Variants in STT3B observed in about 807,000 individuals in gnomAD.
STT3B encodes dolichyl-diphosphooligosaccharide--protein glycosyltransferase subunit STT3B.
In STT3B, 29 loss-of-function variants were observed where a neutral mutation model predicts 96.8. The observed-to-expected ratio is 0.30, with a 90% CI of 0.22 to 0.41. STT3B has a LOEUF of 0.41. Ranked by LOEUF, STT3B falls within the 10% of genes least tolerant of loss-of-function variation. The probability of loss-of-function intolerance (pLI) is 1.00; values close to 1 mark genes in which losing one functional copy is unlikely to be tolerated. For synonymous variants in STT3B, 367 were observed against 360.0 expected (o/e 1.02, Z -0.22); for missense variants, 640 against 1,022.3 (o/e 0.63, Z 5.10).
chr3:31,539,123 G>C (rs1697169427), intron 1 of STT3B, among the ~76,000 whole-genome samples: 1 of 152,036 alleles, frequency 6.6e-6, no homozygotes, highest in Admixed American at 6.5e-5. Context: ...CATAGTTTCA[G>C]ATGAAAAACA....
intron 3 of STT3B, among the ~76,000 whole-genome samples, chr3:31,595,940 A>C (rs1698782792): frequency 6.6e-6 from 1 of 152,156 alleles, no homozygotes; most frequent in Non-Finnish European, 1.5e-5. Flanking sequence ...AGGCTCTATA[A>C]GGACCTTTTG....
intron 3 of STT3B, among the ~76,000 whole-genome samples, chr3:31,584,589 A>G (rs1209638101): frequency 5.9e-5 from 9 of 152,162 alleles, no homozygotes; most frequent in Admixed American, 5.2e-4. Flanking sequence ...AGAAGAAATT[A>G]TAGATATCAT....
rs555260194 is a variant in STT3B, at chr3:31,596,802, A to T, written c.716A>T (p.Lys239Ile). The T allele has an allele frequency of 1.9e-5, 31 of 1,610,034 alleles. No individual in the cohort carries two copies. The South Asian group carries it at 3.3e-4, about 17-fold the overall frequency. Residue 239 changes from lysine (K) to isoleucine (I), a missense_variant, in exon 4 of 16, where the codon AAA becomes ATA. This residue lies in a region of STT3B where 267 missense variants were observed against 388.3 expected (regional missense o/e 0.69). Transcript: ENST00000295770. ...TCAGTTGCTTTTGTTTTTTAGGTAA[A>T]ATCTGTAAAAACTGGGTCAGTTTTT... ...ALQFTYYLWV[K>I]SVKTGSVFWT...
In STT3B at chr3:31,615,236, G is replaced by A. The variant is rs1699281307; in HGVS notation, c.976+33G>A. ...AAATATATATTTTCCTTCTTCTAAA[G>A]AATATGTGGACGTGTGATTGGCAGT... On this transcript the variant is annotated intron_variant, in intron 6 of 15. Coordinates refer to ENST00000295770, the MANE Select transcript of STT3B (RefSeq NM_178862.3). The A allele has an allele frequency of 7.4e-6, 11 of 1,493,534 alleles. No individual in the cohort carries two copies. In the East Asian group the frequency reaches 2.5e-4, roughly 34 times the overall value. The allele number at this position is 1,493,534 out of a possible 1,614,324, so 92.5% of individuals were successfully genotyped here.
At chr3:31,627,444 G>A (rs1358975992) in intron 13 of STT3B, among the ~76,000 whole-genome samples, 2 of 152,132 alleles carry the variant, frequency 1.3e-5, no homozygotes, top group African/African-American at 4.8e-5. Flanking sequence ...AAAAAGGTTG[G>A]GAACCACTGC....
At chr3:31,582,001 C>G (rs959313498) in intron 3 of STT3B, among the ~76,000 whole-genome samples, 1 of 152,152 alleles carries the variant, frequency 6.6e-6, no homozygotes, top group East Asian at 1.9e-4. Flanking sequence ...ATAATACTCT[C>G]TTAAAATTCT....
chr3:31,628,012 A>T (rs1453894985), intron 13 of STT3B, among the ~76,000 whole-genome samples: 3 of 31,186 alleles, frequency 9.6e-5, no homozygotes, highest in African/African-American at 1.5e-4. Context: ...TACCCCCCCT[A>T]AAAAAAAAAA....
At chr3:31,595,675 A>G (rs1698774120) in intron 3 of STT3B, among the ~76,000 whole-genome samples, 1 of 152,172 alleles carries the variant, frequency 6.6e-6, no homozygotes, top group Non-Finnish European at 1.5e-5. Flanking sequence ...TCTATGAAAT[A>G]TGGTATATTG....
chr3:31,592,277 G>A (rs1431583936), intron 3 of STT3B, among the ~76,000 whole-genome samples: 1 of 152,128 alleles, frequency 6.6e-6, no homozygotes, highest in Non-Finnish European at 1.5e-5. Flanking sequence ...CCATGTTGTA[G>A]CATGTCAGGA....
chr3:31,600,262 T>C (rs1698900621), intron 4 of STT3B, 98 bp from the exon 5 acceptor site: 2 of 481,960 alleles, frequency 4.1e-6, no homozygotes, highest in Non-Finnish European at 7.1e-6. Flanking sequence ...TGCTAAAATC[T>C]TAATGTTTAT....
intron 5 of STT3B, among the ~76,000 whole-genome samples, chr3:31,603,636 A>C (rs910205189): frequency 6.6e-6 from 1 of 152,108 alleles, no homozygotes; most frequent in African/African-American, 2.4e-5. Context: ...TAAGCTTTCT[A>C]ATTTGATTAA....
At chr3:31,607,747 T>TA (rs1559384295) in intron 5 of STT3B, among the ~76,000 whole-genome samples, 1 of 67,414 alleles carries the variant, frequency 1.5e-5, no homozygotes, top group African/African-American at 5.3e-5. Context: ...TTGTTGTTTT[T>TA]GGGGGGTTGT....
intron 1 of STT3B, among the ~76,000 whole-genome samples, chr3:31,540,729 T>A (rs897585450): frequency 1.3e-5 from 2 of 152,210 alleles, no homozygotes; most frequent in Non-Finnish European, 2.9e-5. Flanking sequence ...TAAAATTTTA[T>A]GTTGTTGCCC....
intron 3 of STT3B, among the ~76,000 whole-genome samples, chr3:31,594,353 C>T (rs1698737455): frequency 6.6e-6 from 1 of 152,052 alleles, no homozygotes; most frequent in Admixed American, 6.6e-5. Flanking sequence ...CCAGCTTATG[C>T]CCCCAGACAC....
chr3:31,561,763 A>AT (rs1347300692), intron 1 of STT3B, among the ~76,000 whole-genome samples: 1 of 151,882 alleles, frequency 6.6e-6, no homozygotes, highest in East Asian at 1.9e-4. Context: ...GTGTAATGGC[A>AT]TTTTTTGACA....
intron 1 of STT3B, among the ~76,000 whole-genome samples, chr3:31,551,532 T>C (rs1345284671): frequency 6.6e-6 from 1 of 152,162 alleles, no homozygotes; most frequent in Non-Finnish European, 1.5e-5. Context: ...CCTGATTCTT[T>C]TATGCTTACG....
intron 5 of STT3B, among the ~76,000 whole-genome samples, chr3:31,603,766 C>A (rs1050499292): frequency 6.7e-6 from 1 of 150,066 alleles, no homozygotes; most frequent in African/African-American, 2.5e-5. Flanking sequence ...CTTAAATGAC[C>A]AATAGGGGAA....
Position 31,627,901 on chromosome 3 carries a change from ACT to A in STT3B, c.2074-1395_2074-1394del. Among the ~76,000 whole-genome samples, 3 of 152,108 alleles carry A rather than the reference ACT, an allele frequency of 2.0e-5. No homozygotes were observed. The Middle Eastern group carries it at 0.01, about 517-fold the overall frequency. On this transcript the variant is annotated intron_variant, in intron 13 of 15. Transcript: ENST00000295770. ...TTTAAACTTTGTGAATAGATAATAC[ACT>A]CATATGGTTCAAAAGTAAAGTATAA...
chr3:31,538,567 CTT>C (rs1190264250), intron 1 of STT3B, among the ~76,000 whole-genome samples: 1 of 152,106 alleles, frequency 6.6e-6, no homozygotes, highest in Non-Finnish European at 1.5e-5. Context: ...TATTAGAAGG[CTT>C]TTATAGGTCA....
Sources: gnomAD v4.1 joint callset for allele counts (sites outside exome capture counted in the v4.1 genomes callset) on GRCh38, gnomAD v4.1.1 for gene constraint, gnomAD v4.1.1 regional missense constraint, MANE v1.5 for transcripts, NCBI Gene and HGNC (gene_info 2026-07-23, HGNC 2026-07-21) for gene names.